The following CNGB3 variants were observed in gnomAD, a reference collection of about 807,000 sequenced individuals.
CNGB3 encodes cyclic nucleotide-gated channel beta-3.
A neutral mutation model predicts 92.8 loss-of-function variants in CNGB3; 86 were observed. That is an observed-to-expected ratio of 0.93 (90% CI 0.78 to 1.11). The LOEUF is 1.11. Among genes scored for constraint, CNGB3 ranks in the 50% least tolerant of loss-of-function variants. The probability of loss-of-function intolerance (pLI) is 0.00; values close to 1 mark genes in which losing one functional copy is unlikely to be tolerated. For missense variants in CNGB3, 1,026 were observed against 956.8 expected (o/e 1.07, Z -0.95); for synonymous variants, 333 against 332.7 (o/e 1.00, Z -0.01).
At chr8:86,614,595 G>A (rs928319983) in intron 13 of CNGB3, among the ~76,000 whole-genome samples, 12 of 151,958 alleles carry the variant, frequency 7.9e-5, no homozygotes, top group Admixed American at 6.6e-4. Flanking sequence ...TCTGTGTCTC[G>A]CCTGACTGAC....
intron 4 of CNGB3, among the ~76,000 whole-genome samples, chr8:86,669,868 T>G (rs1823820501): frequency 6.6e-6 from 1 of 152,150 alleles, no homozygotes; most frequent in Admixed American, 6.5e-5. Flanking sequence ...TTGATTTTTT[T>G]TTTTTCGGAG....
chr8:86,732,880 T>G (rs1825180191), intron 2 of CNGB3, among the ~76,000 whole-genome samples: 1 of 152,182 alleles, frequency 6.6e-6, no homozygotes, highest in South Asian at 2.1e-4. Context: ...TGCTTGAGTC[T>G]TTTTTAAAAT....
At chr8:86,603,210 T>C (rs1822342986) in intron 15 of CNGB3, among the ~76,000 whole-genome samples, 1 of 152,224 alleles carries the variant, frequency 6.6e-6, no homozygotes, top group South Asian at 2.1e-4. Flanking sequence ...GTCTAGCTAA[T>C]TAACTATTTA....
intron 3 of CNGB3, among the ~76,000 whole-genome samples, chr8:86,676,397 A>T (rs1218899668): frequency 6.6e-6 from 1 of 152,176 alleles, no homozygotes; most frequent in Non-Finnish European, 1.5e-5. Context: ...ATCGCTGCCT[A>T]ATAGAATACA....
At chr8:86,628,434 C>T (rs899558342) in intron 12 of CNGB3, among the ~76,000 whole-genome samples, 1 of 152,028 alleles carries the variant, frequency 6.6e-6, no homozygotes, top group East Asian at 1.9e-4. Context: ...CATTGTTAAC[C>T]CCCACTTGTT....
rs1418915216 is a variant in CNGB3 at position 86,629,005 on chromosome 8, T to C, written c.1394A>G (p.Tyr465Cys). ...TTTAGGAATGGAGTAATTGTTCATG[T>C]AGGCAATGGTGTCATCCATGCAGGC... ...FRACMDDTIA[Y>C]MNNYSIPKLV... is the part of the protein sequence containing the mutation. Residue 465 changes from tyrosine to cysteine, a missense_variant, in exon 12 of 18, where the codon TAC (tyrosine) becomes TGC (cysteine). Coordinates refer to ENST00000320005, the MANE Select transcript of CNGB3 (RefSeq NM_019098.5). 1.2e-6 allele frequency: 2 copies of C among 1,614,072 alleles called. No homozygotes were observed. Among genetic ancestry groups the C allele is most frequent in the Non-Finnish European group, 1.7e-6 (2 of 1,179,962 alleles).
intron 3 of CNGB3, among the ~76,000 whole-genome samples, chr8:86,697,798 C>T (rs988388004): frequency 6.6e-6 from 1 of 151,956 alleles, no homozygotes; most frequent in Non-Finnish European, 1.5e-5. Context: ...CTCCTCCCCC[C>T]ACCCCATGAC....
chr8:86,726,761 T>C, intron 2 of CNGB3, 104 bp from the exon 3 acceptor site: 1 of 1,356,622 alleles, frequency 7.4e-7, no homozygotes, highest in African/African-American at 1.4e-5. Flanking sequence ...TTTAGAATAG[T>C]CTTCTCAAGA....
chr8:86,704,745 G>A (rs1413908074), intron 3 of CNGB3, among the ~76,000 whole-genome samples: 1 of 152,052 alleles, frequency 6.6e-6, no homozygotes, highest in Non-Finnish European at 1.5e-5. Context: ...ATACAGCACT[G>A]GTCTTAAATA....
chr8:86,631,540 C>A (rs1822961833), intron 11 of CNGB3, among the ~76,000 whole-genome samples: 1 of 152,066 alleles, frequency 6.6e-6, no homozygotes, highest in African/African-American at 2.4e-5. Context: ...TGTGATATGA[C>A]AACTTCACGT....
chr8:86,627,284 G>T (rs1008404125), intron 12 of CNGB3, among the ~76,000 whole-genome samples: 1 of 151,962 alleles, frequency 6.6e-6, no homozygotes, highest in African/African-American at 2.4e-5. Context: ...ATCTGCCTTC[G>T]CTAAGGGGTG....
chr8:86,726,505 T>C (rs767956095), intron 3 of CNGB3, 26 bp downstream of exon 3: 6 of 1,613,292 alleles, frequency 3.7e-6, no homozygotes, highest in Non-Finnish European at 5.1e-6. Flanking sequence ...CTCTAAAATA[T>C]GTTGTGTGTT....
At chr8:86,739,521 C>A (rs1825303653) in intron 2 of CNGB3, 134 bp downstream of exon 2, 4 of 1,378,986 alleles carry the variant, frequency 2.9e-6, no homozygotes, top group Non-Finnish European at 3.9e-6. Flanking sequence ...ATATTCAGAT[C>A]TTCAAATAAC....
rs572650850 is a variant in CNGB3 at position 86,668,315 on chromosome 8, A to G, written c.494-147T>C. ...AACATATGGGCACAGGGAGGGGAAC[A>G]TCACACACTGGGGTCTATCGGGGGG... On this transcript the variant is annotated intron_variant, in intron 4 of 17. Transcript: ENST00000320005. 1.1e-5 allele frequency: 7 copies of G among 624,506 alleles called. No homozygotes were observed. The Admixed American group carries it at 1.8e-4, about 16-fold the overall frequency. The allele number at this position is 624,506 out of a possible 1,614,324, so 38.7% of individuals were successfully genotyped here.
At position 86,651,708 on chromosome 8, in the gene CNGB3, A is replaced by G. The variant is rs376772943; in HGVS notation, c.903+2304T>C. Among the ~76,000 whole-genome samples the G allele has an allele frequency of 7.9e-5, 12 of 152,016 alleles. No individual in the cohort carries two copies. The South Asian group carries it at 2.5e-3, about 32-fold the overall frequency. ...TTGGCACAGATTTGTGTAGACAGAG[A>G]TAATTTATTTCTCATTGAACTGTAG... On this transcript the variant is annotated intron_variant, in intron 7 of 17. Transcript: ENST00000320005.
At chr8:86,691,790 T>C (rs1824322308) in intron 3 of CNGB3, among the ~76,000 whole-genome samples, 1 of 152,184 alleles carries the variant, frequency 6.6e-6, no homozygotes, top group Non-Finnish European at 1.5e-5. Flanking sequence ...TGTTTTTGTT[T>C]CTCTAGCTCC....
intron 3 of CNGB3, among the ~76,000 whole-genome samples, chr8:86,672,637 G>A (rs535577849): frequency 2.6e-4 from 40 of 152,114 alleles, no homozygotes; most frequent in African/African-American, 6.0e-4. Context: ...GGTTCACAGC[G>A]CATCTGGGCA....
At chr8:86,738,430 A>T (rs1412417285) in intron 2 of CNGB3, among the ~76,000 whole-genome samples, 1 of 152,182 alleles carries the variant, frequency 6.6e-6, no homozygotes, top group Non-Finnish European at 1.5e-5. Context: ...CTGGGTAACA[A>T]GGGGAGAGAT....
chr8:86,624,343 C>T (rs1436179307), intron 13 of CNGB3, among the ~76,000 whole-genome samples: 4 of 152,110 alleles, frequency 2.6e-5, no homozygotes, highest in African/African-American at 7.2e-5. Flanking sequence ...CACTTGAACC[C>T]GGGAGGCAGA....
Sources: gnomAD v4.1 joint callset for allele counts (sites outside exome capture counted in the v4.1 genomes callset) on GRCh38, gnomAD v4.1.1 for gene constraint, MANE v1.5 for transcripts, NCBI Gene and HGNC (gene_info 2026-07-23, HGNC 2026-07-21) for gene names.